SERPINA9: variants seen among roughly 807,000 people sequenced by gnomAD.
SERPINA9 encodes the protein serpin A9.
A neutral mutation model predicts 24.5 loss-of-function variants in SERPINA9; 32 were observed. The observed-to-expected ratio is 1.30, with a 90% CI of 0.98 to 1.75. SERPINA9 has a LOEUF of 1.75. Ranked by LOEUF, SERPINA9 falls within the 40% of genes most tolerant of loss-of-function variation. SERPINA9 has a pLI of 0.00. For synonymous variants in SERPINA9, 233 were observed against 197.7 expected, an observed-to-expected ratio of 1.18 and a Z score of -1.50; for missense variants, 594 against 497.1, an observed-to-expected ratio of 1.19 and a Z score of -1.85.
chr14:94,469,281 A>T lies in SERPINA9; in HGVS notation c.560T>A (p.Val187Asp). Residue 187 changes from valine to aspartate, a missense_variant, in exon 2 of 5, where the codon GTT becomes GAT. Physicochemically the swap from Val to Asp is radical, Grantham distance 152 (BLOSUM62 -3). Transcript: ENST00000674397. ...SHVKKKTQGKVVDIIQGLDLL... is the reference protein window; with the variant it reads ...SHVKKKTQGKDVDIIQGLDLL... ...GTCAAGGCCTTGGATTATGTCTACAACCTTCCCTTGGGTCTTCTTTTTCAC... is the reference window on the plus strand; with the variant it reads ...GTCAAGGCCTTGGATTATGTCTACATCCTTCCCTTGGGTCTTCTTTTTCAC... 4 of 1,614,138 alleles carry T rather than the reference A, an allele frequency of 2.5e-6. No individual in the cohort carries two copies. Among genetic ancestry groups the T allele is most frequent in the Non-Finnish European group, 2.5e-6 (3 of 1,180,026 alleles).
chr14:94,466,680 G>A (rs1039268065), intron 3 of SERPINA9, among the ~76,000 whole-genome samples: 1 of 152,180 alleles, frequency 6.6e-6, no homozygotes, highest in Non-Finnish European at 1.5e-5. Context: ...CACTTTGTAA[G>A]TAGCAGGTTA....
In SERPINA9 at chr14:94,463,295, G is replaced by T; in HGVS notation, c.1052C>A (p.Ala351Glu). 2 of 1,613,828 alleles carry T rather than the reference G, an allele frequency of 1.2e-6. No homozygotes were observed. Among genetic ancestry groups the T allele is most frequent in the Middle Eastern group, 3.4e-4 (2 of 5,860 alleles). ...GACATCCAGCACAGCCTTGTGGGTT[G>T]CCTGCCAAGGGAAAAACAAACATCA... is the stretch of plus-strand genomic sequence containing the variant. ...AKRDSLQVSK[A>E]THKAVLDVSE... The change falls in exon 5 of 5, where the codon GCA (alanine) becomes GAA (glutamate). Residue 351 changes from alanine to glutamate, a missense_variant and splice_region_variant. By Grantham distance (107) the Ala-to-Glu change is moderately radical. Transcript: ENST00000674397.
At chr14:94,466,921 T>C (rs2139802932) in intron 3 of SERPINA9, among the ~76,000 whole-genome samples, 188 bp downstream of exon 3, 1 of 152,332 alleles carries the variant, frequency 6.6e-6, no homozygotes, top group Non-Finnish European at 1.5e-5. Flanking sequence ...GTACTAAGAC[T>C]CCTCATCAGG....
At chr14:94,474,539 G>A (rs1322545197) in intron 1 of SERPINA9, among the ~76,000 whole-genome samples, 2 of 152,114 alleles carry the variant, frequency 1.3e-5, no homozygotes, top group African/African-American at 2.4e-5. Context: ...GGGGAAAACC[G>A]TGGCCAAAGC....
chr14:94,474,955 C>G (rs1183365874), intron 1 of SERPINA9, among the ~76,000 whole-genome samples: 1 of 152,162 alleles, frequency 6.6e-6, no homozygotes, highest in African/African-American at 2.4e-5. Context: ...GCTCAAGCCC[C>G]TGACATTCAA....
chr14:94,468,369 G>A (rs1466009719), intron 2 of SERPINA9, among the ~76,000 whole-genome samples: 1 of 152,132 alleles, frequency 6.6e-6, no homozygotes, highest in Admixed American at 6.5e-5. Context: ...TGAACATGTG[G>A]ATGAAGGGAG....
intron 1 of SERPINA9, among the ~76,000 whole-genome samples, chr14:94,471,838 A>G (rs1423644102): frequency 1.3e-5 from 2 of 151,618 alleles, no homozygotes; most frequent in East Asian, 3.9e-4. Context: ...CCTTCCCCAC[A>G]TCGTTCTTCC....
At chr14:94,475,979 A>G (rs540053504) in intron 1 of SERPINA9, 157 bp downstream of exon 1, 3 of 1,067,374 alleles carry the variant, frequency 2.8e-6, no homozygotes, top group East Asian at 2.4e-5. Context: ...CAAAAATGTG[A>G]CCCAGATGCT....
intron 1 of SERPINA9, 31 bp from the exon 2 acceptor site, chr14:94,469,888 T>C: frequency 6.7e-7 from 1 of 1,491,444 alleles, no homozygotes; most frequent in South Asian, 1.5e-5. Context: ...ATTGAGGGGG[T>C]AAACTGAGGG....
rs12879019 is a variant in SERPINA9, at chr14:94,469,564, G to C, written c.277C>G (p.Gln93Glu). 330,494 of 1,613,992 alleles carry C rather than the reference G, an allele frequency of 0.2. 35,692 individuals are homozygous for C. The highest frequency in any genetic ancestry group is 0.34 in the East Asian group (15,369 of 44,866). Reference sequence around the variant, plus strand: ...TTGAAGCCCAGGCCCTGGAGAATCTGGGTCTTGGTGACTGAGTGGGCCCCA... The same window carrying C: ...TTGAAGCCCAGGCCCTGGAGAATCTCGGTCTTGGTGACTGAGTGGGCCCCA... ...SLGAHSVTKT[Q>E]ILQGLGFNLT... The change falls in exon 2 of 5, where the codon CAG becomes GAG. Residue 93 changes from glutamine to glutamate, a missense_variant. Transcript: ENST00000674397.
chr14:94,474,969 C>G (rs180820672), intron 1 of SERPINA9, among the ~76,000 whole-genome samples: 2 of 152,256 alleles, frequency 1.3e-5, no homozygotes, highest in African/African-American at 2.4e-5. Context: ...CATTCAAGAG[C>G]TTTATTTATT....
chr14:94,469,125 G>T, intron 2 of SERPINA9, 88 bp downstream of exon 2: 1 of 1,233,960 alleles, frequency 8.1e-7, no homozygotes, highest in Non-Finnish European at 1.1e-6. Flanking sequence ...GCAGTCTAGG[G>T]TTTGTCTGGC....
intron 1 of SERPINA9, among the ~76,000 whole-genome samples, chr14:94,471,186 A>G (rs983072497): frequency 6.7e-6 from 1 of 149,316 alleles, no homozygotes; most frequent in Non-Finnish European, 1.5e-5. Context: ...AGTCATTTAT[A>G]CTACAGTGTG....
chr14:94,463,786 A>G (rs1305626498), intron 4 of SERPINA9, among the ~76,000 whole-genome samples: 1 of 152,108 alleles, frequency 6.6e-6, no homozygotes, highest in African/African-American at 2.4e-5. Flanking sequence ...CTTAACCTGG[A>G]GTTCCTGGAT....
At chr14:94,469,152 G>A in intron 2 of SERPINA9, 61 bp downstream of exon 2, 1 of 1,494,310 alleles carries the variant, frequency 6.7e-7, no homozygotes, top group Non-Finnish European at 9.1e-7. Context: ...ATTTCACTAA[G>A]CAAAAATCAT....
intron 1 of SERPINA9, among the ~76,000 whole-genome samples, chr14:94,474,431 C>T (rs1260835951): frequency 6.6e-6 from 1 of 152,190 alleles, no homozygotes; most frequent in East Asian, 1.9e-4. Context: ...AGGTAAGTCT[C>T]TGCTTTTCAC....
chr14:94,475,566 T>C (rs1899569060), intron 1 of SERPINA9, among the ~76,000 whole-genome samples: 1 of 152,060 alleles, frequency 6.6e-6, no homozygotes, highest in South Asian at 2.1e-4. Flanking sequence ...TATCCCTACT[T>C]TCCCAGTCGC....
rs754196065 is a variant in SERPINA9 at position 94,476,189 on chromosome 14, C to T, written c.-71G>A. 1.2e-6 allele frequency: 2 copies of T among 1,614,052 alleles called. No homozygotes were observed. The highest frequency in any genetic ancestry group is 2.7e-5 in the African/African-American group (2 of 74,906). On this transcript the variant is annotated 5_prime_UTR_variant, in exon 1 of 5. Transcript: ENST00000674397. ...TCCTTGCATGGTTGGTGAGCCCTGA[C>T]ACTTGCTTACTTGGTTGTAGCTCTC...
chr14:94,468,901 T>C (rs903751424), intron 2 of SERPINA9, among the ~76,000 whole-genome samples: 1 of 152,200 alleles, frequency 6.6e-6, no homozygotes, highest in African/African-American at 2.4e-5. Flanking sequence ...CAGCTGCTGG[T>C]GGCAAGAGAT....
Sources: gnomAD v4.1 joint callset for allele counts (sites outside exome capture counted in the v4.1 genomes callset) on GRCh38, gnomAD v4.1.1 for gene constraint, MANE v1.5 for transcripts, NCBI Gene and HGNC (gene_info 2026-07-23, HGNC 2026-07-21) for gene names.